UIMC1: variants seen among roughly 807,000 people sequenced by gnomAD.
UIMC1 encodes the protein ubiquitin interaction motif containing 1, also known as BRCA1-A complex subunit RAP80.
UIMC1 carries 42 observed loss-of-function variants against 84.9 expected under a neutral mutation model. That is an observed-to-expected ratio of 0.49 (90% confidence interval 0.39 to 0.64). UIMC1 has a LOEUF of 0.64. UIMC1 is among the 30% of genes least tolerant of loss of function. UIMC1 has a pLI of 0.00. For synonymous variants in UIMC1, 281 were observed against 293.0 expected (o/e 0.96, Z 0.42); for missense variants, 825 against 847.6 (o/e 0.97, Z 0.33).
At position 176,997,706 on chromosome 5, in the gene UIMC1, C is replaced by A. The variant is rs577940666; in HGVS notation, c.-9+8944G>T. Among the ~76,000 whole-genome samples the A allele has an allele frequency of 7.8e-3, 1,123 of 144,464 alleles. 6 individuals are homozygous for A. Among genetic ancestry groups the A allele is most frequent in the South Asian group, 0.021 (96 of 4,554 alleles). The allele number at this position is 144,464 out of a possible 152,430, so 94.8% of individuals were successfully genotyped here. A position where few individuals can be genotyped will look rare whatever the true frequency, so the allele number is the denominator to read the frequency against. The stretch of plus-strand genomic sequence containing the variant: ...TCTCAAAAAAAAAAAAAAAAAAAAA[C>A]CCATTTCAATGGTTTCCCACTATTT... On this transcript the variant is annotated intron_variant, in intron 1 of 14. Transcript: ENST00000511320.
At chr5:177,012,947 A>T (rs1364985450) in intron 1 of UIMC1, among the ~76,000 whole-genome samples, 1 of 151,764 alleles carries the variant, frequency 6.6e-6, no homozygotes, top group African/African-American at 2.4e-5. Flanking sequence ...CAGGCTTGGT[A>T]GTATGTGCCT....
chr5:176,925,733 T>C (rs2149413955), intron 10 of UIMC1, among the ~76,000 whole-genome samples: 1 of 152,298 alleles, frequency 6.6e-6, no homozygotes. Context: ...AGCAGAATTT[T>C]ACAGAAATAA....
At chr5:177,000,159 C>T (rs189721418) in intron 1 of UIMC1, among the ~76,000 whole-genome samples, 2 of 152,252 alleles carry the variant, frequency 1.3e-5, no homozygotes, top group Admixed American at 6.5e-5. Context: ...GGGGTTTCAC[C>T]GTGTTAGCCA....
At position 176,905,373 on chromosome 5, in the gene UIMC1, T is replaced by C; in HGVS notation, c.2069A>G (p.Asp690Gly). Residue 690 changes from aspartate to glycine, a missense_variant, in exon 15 of 15, where the codon GAT (aspartate) becomes GGT (glycine). Asp to Gly is a moderately conservative substitution (Grantham distance 94). Coordinates refer to ENST00000511320, the MANE Select transcript of UIMC1 (RefSeq NM_001199298.2). ...TTGCTTTTTAAAGTCCACTAAGCAATCTGTGGCTTCTGAAATGGAAACAAA... is the reference window on the plus strand; with the variant it reads ...TTGCTTTTTAAAGTCCACTAAGCAACCTGTGGCTTCTGAAATGGAAACAAA... ...KSFVSISEAT[D>G]CLVDFKKQVT... The C allele has an allele frequency of 6.2e-7, 1 of 1,614,164 alleles. No individual in the cohort carries two copies. The highest frequency in any genetic ancestry group is 8.5e-7 in the Non-Finnish European group (1 of 1,180,016).
chr5:176,951,595 T>G lies in UIMC1; in HGVS notation c.1340-18A>C. The G allele has an allele frequency of 6.6e-7, 1 of 1,521,938 alleles. No individual in the cohort carries two copies. Among genetic ancestry groups the G allele is most frequent in the African/African-American group, 1.4e-5 (1 of 70,652 alleles). The allele number at this position is 1,521,938 out of a possible 1,614,324, so 94.3% of individuals were successfully genotyped here. A position where few individuals can be genotyped will look rare whatever the true frequency, so the allele number is the denominator to read the frequency against. ...CTGGGTCTCTGTAATTTAAAAAAGT[T>G]AAAATCCCATTAATTTTCATTTTGT... On this transcript the variant is annotated intron_variant, in intron 8 of 14. Transcript: ENST00000511320.
At chr5:176,974,370 C>A (rs755287911) in intron 3 of UIMC1, among the ~76,000 whole-genome samples, 21 of 152,126 alleles carry the variant, frequency 1.4e-4, no homozygotes, top group Non-Finnish European at 2.6e-4. Context: ...TTAATTCTTA[C>A]CTTGCACCAT....
intron 1 of UIMC1, among the ~76,000 whole-genome samples, chr5:176,985,678 C>G (rs73341878): frequency 6.6e-6 from 1 of 152,058 alleles, no homozygotes; most frequent in Non-Finnish European, 1.5e-5. Flanking sequence ...GATCGTAGCT[C>G]ACCACAGCCT....
At chr5:176,980,084 C>T (rs576978233) in intron 2 of UIMC1, 8 of 152,330 alleles carry the variant, frequency 5.3e-5, no homozygotes, top group African/African-American at 1.7e-4. Context: ...GCTCTCCAAG[C>T]CTTGGATTTC....
At chr5:176,905,636 C>CT in intron 14 of UIMC1, 144 bp from the exon 15 acceptor site, 1 of 794,700 alleles carries the variant, frequency 1.3e-6, no homozygotes, top group Non-Finnish European at 1.9e-6. Context: ...TATCATCACT[C>CT]TGTTTTCACA....
At chr5:176,968,372 CAA>C (rs752467394) in intron 6 of UIMC1, among the ~76,000 whole-genome samples, 181 bp downstream of exon 6, 1 of 137,322 alleles carries the variant, frequency 7.3e-6, no homozygotes, top group Admixed American at 7.3e-5. Flanking sequence ...GACTCCAACT[CAA>C]AAAAAAAAAA....
intron 1 of UIMC1, among the ~76,000 whole-genome samples, chr5:176,991,146 T>TA (rs1402286838): frequency 2.6e-5 from 4 of 151,998 alleles, no homozygotes; most frequent in Admixed American, 6.6e-5. Context: ...TAGCTGGGAT[T>TA]ACAGGCGCCC....
chr5:176,907,001 T>G, intron 13 of UIMC1, 113 bp downstream of exon 13: 1 of 1,060,830 alleles, frequency 9.4e-7, no homozygotes, highest in Non-Finnish European at 1.4e-6. Context: ...GCTGGCTGAC[T>G]GGATCACGTG....
chr5:176,929,628 A>G (rs1368288066), intron 10 of UIMC1, among the ~76,000 whole-genome samples: 3 of 152,186 alleles, frequency 2.0e-5, no homozygotes, highest in South Asian at 2.1e-4. Context: ...TGGATAGAAT[A>G]CATATGAAAC....
At chr5:176,947,260 A>G (rs1765240759) in intron 9 of UIMC1, among the ~76,000 whole-genome samples, 2 of 152,300 alleles carry the variant, frequency 1.3e-5, no homozygotes, top group Middle Eastern at 3.4e-3. Flanking sequence ...ACTACTAGGG[A>G]AGAACCTCAA....
At chr5:176,910,957 C>A (rs542917696) in intron 11 of UIMC1, among the ~76,000 whole-genome samples, 2 of 151,974 alleles carry the variant, frequency 1.3e-5, no homozygotes, top group East Asian at 3.9e-4. Context: ...GGCGTGGTGG[C>A]GCATGCCTGT....
chr5:176,965,298 C>T (rs944434922), intron 6 of UIMC1, among the ~76,000 whole-genome samples: 23 of 151,808 alleles, frequency 1.5e-4, no homozygotes, highest in African/African-American at 5.6e-4. Context: ...TGGCGGGCAC[C>T]TGTAGTCCCA....
intron 1 of UIMC1, among the ~76,000 whole-genome samples, chr5:176,990,204 A>G (rs1219835919): frequency 6.6e-6 from 1 of 151,586 alleles, no homozygotes; most frequent in Non-Finnish European, 1.5e-5. Flanking sequence ...AAAAACAAAG[A>G]AAGAAATGGG....
intron 1 of UIMC1, among the ~76,000 whole-genome samples, chr5:177,015,892 A>AAACCCTGTCTCT (rs1372098704): frequency 8.5e-5 from 13 of 152,102 alleles, no homozygotes; most frequent in Non-Finnish European, 1.6e-4. Context: ...CAACATGGTG[A>AAACCCTGTCTCT]AACCCTGTCT....
chr5:176,955,649 A>G (rs1230678314), intron 8 of UIMC1, among the ~76,000 whole-genome samples: 2 of 152,216 alleles, frequency 1.3e-5, no homozygotes, highest in Non-Finnish European at 2.9e-5. Flanking sequence ...ATGTACAGTT[A>G]AGCAAATGCT....
Sources: gnomAD v4.1 joint callset for allele counts (sites outside exome capture counted in the v4.1 genomes callset) on GRCh38, gnomAD v4.1.1 for gene constraint, MANE v1.5 for transcripts, NCBI Gene and HGNC (gene_info 2026-07-23, HGNC 2026-07-21) for gene names.